Variants in SORBS2 observed in about 807,000 individuals in gnomAD.
SORBS2 encodes the protein sorbin and SH3 domain containing 2.
Under a neutral mutation model 97.7 loss-of-function variants are expected in SORBS2, and 46 were observed. That is an observed-to-expected ratio of 0.47 (90% CI 0.37 to 0.60). The LOEUF is 0.60. Ranked by LOEUF, SORBS2 falls within the 20% of genes least tolerant of loss-of-function variation. The pLI is 0.00. For synonymous variants in SORBS2, 476 were observed against 473.4 expected, an observed-to-expected ratio of 1.01 and a Z score of -0.07; for missense variants, 1,316 against 1,282.3, an observed-to-expected ratio of 1.03 and a Z score of -0.40.
chr4:185,793,890 C>A (rs571186738), intron 1 of SORBS2, among the ~76,000 whole-genome samples: 1 of 152,296 alleles, frequency 6.6e-6, no homozygotes, highest in East Asian at 1.9e-4. Flanking sequence ...CACATGGCAG[C>A]GGCCACACCT....
intron 2 of SORBS2, among the ~76,000 whole-genome samples, chr4:185,737,936 T>C (rs2098698477): frequency 6.6e-6 from 1 of 152,204 alleles, no homozygotes; most frequent in African/African-American, 2.4e-5. Flanking sequence ...CGCTCCCCAG[T>C]GTGGGCCACG....
At chr4:185,897,754 A>T (rs1191241025) in intron 1 of SORBS2, among the ~76,000 whole-genome samples, 1 of 152,136 alleles carries the variant, frequency 6.6e-6, no homozygotes, top group African/African-American at 2.4e-5. Flanking sequence ...CTAAGGAGTT[A>T]GGCTGGGTGC....
intron 1 of SORBS2, among the ~76,000 whole-genome samples, chr4:185,897,937 T>A (rs1402797641): frequency 6.6e-6 from 1 of 152,074 alleles, no homozygotes; most frequent in East Asian, 1.9e-4. Flanking sequence ...CTAGGGAGGC[T>A]GAGACACAAG....
chr4:185,908,396 G>T lies in SORBS2; in HGVS notation c.-338+47800C>A, dbSNP rs1692018032. Among the ~76,000 whole-genome samples, 3 of 122,136 alleles carry T rather than the reference G, an allele frequency of 2.5e-5. No individual in the cohort carries two copies. The South Asian group carries it at 8.7e-4, about 36-fold the overall frequency. 80.1% of individuals were successfully genotyped at this position (122,136 alleles called of 152,430 possible). A position where few individuals can be genotyped will look rare whatever the true frequency, so the allele number is the denominator to read the frequency against. On this transcript the variant is annotated intron_variant, in intron 1 of 20. Coordinates refer to the SORBS2 transcript ENST00000284776. ...ATATGTTAGTAAATGGCCACTCGAG[G>T]TATAGAAAGTCACCCAAAGACATCA... is the stretch of plus-strand genomic sequence containing the variant.
intron 2 of SORBS2, among the ~76,000 whole-genome samples, chr4:185,706,201 A>G (rs569373644): frequency 5.9e-5 from 9 of 152,326 alleles, no homozygotes; most frequent in African/African-American, 2.2e-4. Context: ...AAGCATTTTT[A>G]CTATTGAACC....
intron 1 of SORBS2, among the ~76,000 whole-genome samples, chr4:185,885,265 C>T (rs929836431): frequency 2.0e-5 from 3 of 152,154 alleles, no homozygotes; most frequent in South Asian, 2.1e-4. Context: ...AGCCCAAGGG[C>T]GAGGAAAAGC....
chr4:185,727,526 A>G (rs993822000), intron 2 of SORBS2, among the ~76,000 whole-genome samples: 7 of 152,256 alleles, frequency 4.6e-5, no homozygotes, highest in African/African-American at 1.7e-4. Context: ...CTTTGTTATC[A>G]GATTACTAAA....
intron 12 of SORBS2, among the ~76,000 whole-genome samples, chr4:185,601,525 C>G (rs1047874078): frequency 6.6e-6 from 1 of 152,142 alleles, no homozygotes; most frequent in African/African-American, 2.4e-5. Flanking sequence ...CTCCTGGGTT[C>G]TCTGATGACT....
chr4:185,621,481 A>C (rs1561462923), intron 7 of SORBS2, among the ~76,000 whole-genome samples: 1 of 152,214 alleles, frequency 6.6e-6, no homozygotes, highest in Non-Finnish European at 1.5e-5. Context: ...TTAGGATATT[A>C]AAAGCCTGGA....
intron 2 of SORBS2, among the ~76,000 whole-genome samples, chr4:185,693,478 T>G (rs1221681342): frequency 6.6e-6 from 1 of 151,824 alleles, no homozygotes; most frequent in East Asian, 1.9e-4. Context: ...ACAAAATAAA[T>G]GGAAAAGAAA....
intron 4 of SORBS2, chr4:185,638,139 G>A: frequency 6.2e-7 from 1 of 1,610,042 alleles, no homozygotes; most frequent in Non-Finnish European, 8.5e-7. Flanking sequence ...CTAAATCTAT[G>A]TCATCTGGAT....
intron 1 of SORBS2, among the ~76,000 whole-genome samples, chr4:185,830,861 A>AT (rs1284974330): frequency 6.6e-6 from 1 of 151,910 alleles, no homozygotes; most frequent in Non-Finnish European, 1.5e-5. Flanking sequence ...TTTTTCTACT[A>AT]TTTTTCTCAC....
chr4:185,638,171 G>C lies in SORBS2; in HGVS notation c.397-7573C>G. On this transcript the variant is annotated intron_variant, in intron 4 of 14. Coordinates refer to ENST00000418609, the Ensembl canonical transcript of SORBS2. Reference sequence around the variant, plus strand: ...GGATTTATGCGATCAGTCTAGAGCAGATGTGAAGGAAAAGGGAAGGAAAAG... The same window carrying C: ...GGATTTATGCGATCAGTCTAGAGCACATGTGAAGGAAAAGGGAAGGAAAAG... 6.4e-7 allele frequency: 1 copy of C among 1,560,894 alleles called. No homozygotes were observed. The highest frequency in any genetic ancestry group is 8.8e-7 in the Non-Finnish European group (1 of 1,134,066).
intron 1 of SORBS2, chr4:185,956,117 G>T (rs997762094): frequency 1.3e-5 from 2 of 152,140 alleles, no homozygotes; most frequent in African/African-American, 2.4e-5. Flanking sequence ...TAGAAAGCAG[G>T]GATCTTCCTC....
At chr4:185,715,852 T>G (rs761710950) in intron 2 of SORBS2, among the ~76,000 whole-genome samples, 1 of 152,226 alleles carries the variant, frequency 6.6e-6, no homozygotes, top group Non-Finnish European at 1.5e-5. Flanking sequence ...AAATCTTAAG[T>G]GCTTAATAAA....
chr4:185,632,122 G>C (rs1261069408), intron 4 of SORBS2, among the ~76,000 whole-genome samples: 1 of 152,164 alleles, frequency 6.6e-6, no homozygotes, highest in African/African-American at 2.4e-5. Context: ...TGGTAAATTA[G>C]CACCAATTAA....
At chr4:185,712,808 A>T (rs527271225) in intron 2 of SORBS2, among the ~76,000 whole-genome samples, 1 of 152,182 alleles carries the variant, frequency 6.6e-6, no homozygotes, top group East Asian at 1.9e-4. Flanking sequence ...CAGGCTGAGT[A>T]AATGAGGCAC....
At chr4:185,833,764 CAACT>C (rs1410894224) in intron 1 of SORBS2, among the ~76,000 whole-genome samples, 1 of 152,112 alleles carries the variant, frequency 6.6e-6, no homozygotes. Context: ...TATTCATTCT[CAACT>C]AATCTTTATT....
chr4:185,705,653 A>T (rs2098332590), intron 2 of SORBS2, among the ~76,000 whole-genome samples: 1 of 149,940 alleles, frequency 6.7e-6, no homozygotes, highest in Non-Finnish European at 1.5e-5. Flanking sequence ...ACTGCTATAC[A>T]CTCAGCCTCT....
Sources: gnomAD v4.1 joint callset for allele counts (sites outside exome capture counted in the v4.1 genomes callset) on GRCh38, gnomAD v4.1.1 for gene constraint, MANE v1.5 for transcripts, NCBI Gene and HGNC (gene_info 2026-07-23, HGNC 2026-07-21) for gene names.